The following KATNA1 variants were observed in gnomAD, a reference collection of about 807,000 sequenced individuals.
The protein encoded by KATNA1 is katanin p60 ATPase-containing subunit A1.
A neutral mutation model predicts 62.6 loss-of-function variants in KATNA1; 42 were observed. That is an observed-to-expected ratio of 0.67 (90% CI 0.52 to 0.87). The LOEUF (loss-of-function observed/expected upper bound fraction) is 0.87, where lower values mean the gene tolerates loss of function less well. Ranked by LOEUF, KATNA1 falls within the 40% of genes least tolerant of loss-of-function variation. The probability of loss-of-function intolerance (pLI) is 0.00; values close to 1 mark genes in which losing one functional copy is unlikely to be tolerated. For missense variants in KATNA1, 498 were observed against 612.5 expected, an observed-to-expected ratio of 0.81 and a Z score of 1.97; for synonymous variants, 186 against 201.9, an observed-to-expected ratio of 0.92 and a Z score of 0.67.
intron 8 of KATNA1, chr6:149,597,968 AAAGT>A (rs1244691034): frequency 8.4e-6 from 4 of 478,860 alleles, no homozygotes; most frequent in Non-Finnish European, 1.1e-5. Context: ...TTTCATAGCT[AAAGT>A]AAGATAGTTG....
intron 3 of KATNA1, among the ~76,000 whole-genome samples, chr6:149,625,459 T>C (rs1348542984): frequency 2.0e-5 from 3 of 151,738 alleles, no homozygotes; most frequent in Admixed American, 6.6e-5. Flanking sequence ...CAAAACTCCA[T>C]CTCTACTAAA....
chr6:149,620,139 G>C (rs755003863), intron 4 of KATNA1, among the ~76,000 whole-genome samples: 4 of 152,126 alleles, frequency 2.6e-5, no homozygotes, highest in Non-Finnish European at 2.9e-5. Context: ...TAAAAAAGTT[G>C]ATCTCATAGA....
chr6:149,599,728 G>A (rs1054062297), intron 7 of KATNA1, among the ~76,000 whole-genome samples: 9 of 152,008 alleles, frequency 5.9e-5, no homozygotes, highest in African/African-American at 1.9e-4. Flanking sequence ...ATGTTGGCCA[G>A]GCTGGTCTCG....
Position 149,594,959 on chromosome 6 carries a change from A to G in KATNA1, c.*77T>C, listed in dbSNP as rs1778239887. Reference sequence around the variant, plus strand: ...CCATTATGAAAGTTAAAAAAAATATAGCACTCAGTACAATGAATTACTGCA... The same window carrying G: ...CCATTATGAAAGTTAAAAAAAATATGGCACTCAGTACAATGAATTACTGCA... On this transcript the variant is annotated 3_prime_UTR_variant, in exon 11 of 11. Transcript: ENST00000367411. The G allele has an allele frequency of 9.2e-7, 1 of 1,083,872 alleles. No individual in the cohort carries two copies. Among genetic ancestry groups the G allele is most frequent in the East Asian group, 2.5e-5 (1 of 40,564 alleles). 67.1% of individuals were successfully genotyped at this position (1,083,872 alleles called of 1,614,324 possible).
intron 4 of KATNA1, among the ~76,000 whole-genome samples, chr6:149,607,872 C>G (rs892533902): frequency 3.3e-5 from 5 of 151,952 alleles, no homozygotes; most frequent in African/African-American, 1.2e-4. Context: ...TCGAGACCAG[C>G]CTGGCCAACA....
intron 4 of KATNA1, among the ~76,000 whole-genome samples, chr6:149,605,266 C>T (rs1778694407): frequency 6.6e-6 from 1 of 151,396 alleles, no homozygotes; most frequent in Admixed American, 6.6e-5. Context: ...TTTGATACAT[C>T]AAAAGTATCA....
intron 7 of KATNA1, among the ~76,000 whole-genome samples, chr6:149,598,669 T>A (rs1778419559): frequency 6.6e-6 from 1 of 151,944 alleles, no homozygotes; most frequent in Admixed American, 6.6e-5. Context: ...TGCAGTGAGC[T>A]ATGATCACAC....
At chr6:149,600,236 T>TC (rs1174715077) in intron 7 of KATNA1, among the ~76,000 whole-genome samples, 1 of 140,026 alleles carries the variant, frequency 7.1e-6, no homozygotes, top group African/African-American at 2.6e-5. Context: ...ACACAATGGC[T>TC]CTTGCCTGTA....
chr6:149,643,248 A>G (rs539475514), intron 1 of KATNA1, among the ~76,000 whole-genome samples: 8 of 152,288 alleles, frequency 5.3e-5, no homozygotes, highest in Admixed American at 4.6e-4. Flanking sequence ...ATCTTTCCTC[A>G]CTAGAGCCTT....
At chr6:149,630,237 G>C (rs1779779117) in intron 3 of KATNA1, among the ~76,000 whole-genome samples, 1 of 152,246 alleles carries the variant, frequency 6.6e-6, no homozygotes, top group Non-Finnish European at 1.5e-5. Context: ...TTATGTGAAA[G>C]TGCGTATGAG....
intron 1 of KATNA1, among the ~76,000 whole-genome samples, chr6:149,638,857 C>A (rs932117326): frequency 5.9e-5 from 9 of 151,504 alleles, no homozygotes; most frequent in African/African-American, 2.2e-4. Flanking sequence ...CCACCTCAGC[C>A]TCCCAAGTAG....
chr6:149,638,736 T>TG (rs1254807941), intron 1 of KATNA1, 176 bp from the exon 2 acceptor site: 8 of 417,662 alleles, frequency 1.9e-5, no homozygotes, highest in African/African-American at 8.9e-5. Context: ...CATTGTTTTT[T>TG]TTTTTTTTTT....
At chr6:149,620,523 ACCTCAAG>A (rs1190600265) in intron 4 of KATNA1, among the ~76,000 whole-genome samples, 1 of 152,104 alleles carries the variant, frequency 6.6e-6, no homozygotes, top group Non-Finnish European at 1.5e-5. Context: ...CGAACTCCTG[ACCTCAAG>A]TGATCTGCCC....
intron 1 of KATNA1, among the ~76,000 whole-genome samples, chr6:149,644,355 T>A (rs1446109316): frequency 6.6e-6 from 1 of 152,066 alleles, no homozygotes; most frequent in East Asian, 1.9e-4. Context: ...GCATGGTGGT[T>A]CACGCCTGTA....
chr6:149,647,449 G>A (rs894383896), intron 1 of KATNA1, among the ~76,000 whole-genome samples: 12 of 150,336 alleles, frequency 8.0e-5, no homozygotes, highest in Non-Finnish European at 1.8e-4. Context: ...CTTGAACCCG[G>A]GAGGCGGAGG....
At position 149,604,767 on chromosome 6, in the gene KATNA1, C is replaced by A; in HGVS notation, c.517G>T (p.Ala173Ser). 5 of 1,613,638 alleles carry A rather than the reference C, an allele frequency of 3.1e-6. No individual in the cohort carries two copies. The highest frequency in any genetic ancestry group is 4.2e-6 in the Non-Finnish European group (5 of 1,179,716). ...TTATTTGTCTCTGGTTCTGTTACTGCAGCAGGTGATTTGTTCTACATGAAG... is the reference window on the plus strand; with the variant it reads ...TTATTTGTCTCTGGTTCTGTTACTGAAGCAGGTGATTTGTTCTACATGAAG... ...GREEKNKSPA[A>S]VTEPETNKFD... The change falls in exon 5 of 11, where the codon GCA becomes TCA. Residue 173 changes from alanine (A) to serine (S), a missense_variant. Physicochemically the swap from Ala to Ser is moderately conservative, Grantham distance 99 (BLOSUM62 1). Coordinates refer to ENST00000367411, the MANE Select transcript of KATNA1 (RefSeq NM_007044.4).
chr6:149,644,057 T>G (rs575230301), intron 1 of KATNA1, among the ~76,000 whole-genome samples: 18 of 152,144 alleles, frequency 1.2e-4, no homozygotes, highest in Non-Finnish European at 2.5e-4. Flanking sequence ...GGTCACATTC[T>G]TGATCCTCAG....
chr6:149,617,673 G>A (rs1390158910), intron 4 of KATNA1, among the ~76,000 whole-genome samples: 1 of 152,038 alleles, frequency 6.6e-6, no homozygotes, highest in Non-Finnish European at 1.5e-5. Context: ...GGTGGCTCAC[G>A]CCTGTAATCC....
chr6:149,631,754 T>C (rs1779850335), intron 3 of KATNA1, among the ~76,000 whole-genome samples: 1 of 152,180 alleles, frequency 6.6e-6, no homozygotes, highest in South Asian at 2.1e-4. Flanking sequence ...AAATCTATTA[T>C]GTAAGTGAAA....
Sources: gnomAD v4.1 joint callset for allele counts (sites outside exome capture counted in the v4.1 genomes callset) on GRCh38, gnomAD v4.1.1 for gene constraint, MANE v1.5 for transcripts, NCBI Gene and HGNC (gene_info 2026-07-23, HGNC 2026-07-21) for gene names.